MACROD2: variants seen among roughly 807,000 people sequenced by gnomAD.
MACROD2 encodes the protein ADP-ribose glycohydrolase MACROD2.
MACROD2 carries 36 observed loss-of-function variants against 70.4 expected under a neutral mutation model. That is an observed-to-expected ratio of 0.51 (90% CI 0.39 to 0.68). The LOEUF is 0.68. MACROD2 is among the 30% of genes least tolerant of loss of function. The pLI is 0.00. For synonymous variants in MACROD2, 172 were observed against 178.8 expected, an observed-to-expected ratio of 0.96 and a Z score of 0.30; for missense variants, 496 against 538.4, an observed-to-expected ratio of 0.92 and a Z score of 0.78.
chr20:15,811,550 C>A (rs1027056394), intron 8 of MACROD2, among the ~76,000 whole-genome samples: 4 of 152,104 alleles, frequency 2.6e-5, no homozygotes, highest in African/African-American at 7.2e-5. Flanking sequence ...CCCAAATTAT[C>A]TTTTACTTTA....
At chr20:15,875,470 T>C (rs2064654869) in intron 9 of MACROD2, among the ~76,000 whole-genome samples, 1 of 152,080 alleles carries the variant, frequency 6.6e-6, no homozygotes. Context: ...ACAAGCTCTC[T>C]ATAATGTAAC....
At chr20:15,715,309 G>A (rs1442436734) in intron 8 of MACROD2, among the ~76,000 whole-genome samples, 2 of 152,104 alleles carry the variant, frequency 1.3e-5, no homozygotes, top group African/African-American at 4.8e-5. Context: ...CAGCAAACGT[G>A]TATTTCCAAG....
intron 3 of MACROD2, among the ~76,000 whole-genome samples, chr20:14,408,011 TCAAA>T (rs1198832710): frequency 1.3e-5 from 2 of 152,138 alleles, no homozygotes; most frequent in Non-Finnish European, 1.5e-5. Context: ...CTGTATGGGT[TCAAA>T]TGCCACCTTT....
chr20:15,204,264 C>A (rs1320669969), intron 5 of MACROD2, among the ~76,000 whole-genome samples: 1 of 152,066 alleles, frequency 6.6e-6, no homozygotes, highest in Non-Finnish European at 1.5e-5. Flanking sequence ...ATTAAAATTC[C>A]ATTTCTCATG....
chr20:14,998,179 A>G (rs2122889141), intron 5 of MACROD2, among the ~76,000 whole-genome samples: 1 of 152,278 alleles, frequency 6.6e-6, no homozygotes, highest in South Asian at 2.1e-4. Flanking sequence ...TACAATAAAT[A>G]CCTAACTATT....
intron 5 of MACROD2, among the ~76,000 whole-genome samples, chr20:15,070,762 G>A (rs2075612844): frequency 1.3e-5 from 2 of 152,038 alleles, no homozygotes; most frequent in Non-Finnish European, 2.9e-5. Flanking sequence ...GCAGAACCAT[G>A]AGCCAAAGAA....
intron 8 of MACROD2, among the ~76,000 whole-genome samples, chr20:15,520,533 A>G (rs1387502797): frequency 7.5e-6 from 1 of 132,700 alleles, no homozygotes; most frequent in South Asian, 2.2e-4. Context: ...TGTCACCCCT[A>G]TGTTTTTAAA....
At chr20:14,289,999 AC>A (rs2082373122) in intron 3 of MACROD2, among the ~76,000 whole-genome samples, 1 of 16,048 alleles carries the variant, frequency 6.2e-5, no homozygotes, top group African/African-American at 1.8e-4. Context: ...TAGGAACTTA[AC>A]AGTTAAGTTA....
intron 12 of MACROD2, among the ~76,000 whole-genome samples, chr20:15,961,506 A>T (rs931079206): frequency 6.6e-6 from 1 of 152,198 alleles, no homozygotes; most frequent in Non-Finnish European, 1.5e-5. Context: ...TGAGCCCAGC[A>T]GTTGCTGCAT....
intron 8 of MACROD2, among the ~76,000 whole-genome samples, chr20:15,830,232 GT>G (rs1240167973): frequency 5.9e-5 from 9 of 152,146 alleles, no homozygotes; most frequent in African/African-American, 2.2e-4. Context: ...CAAATCAAGG[GT>G]AACCCAGTTG....
At chr20:15,100,767 G>T (rs2075866135) in intron 5 of MACROD2, among the ~76,000 whole-genome samples, 1 of 152,124 alleles carries the variant, frequency 6.6e-6, no homozygotes, top group Non-Finnish European at 1.5e-5. Context: ...AGCAAATGCT[G>T]ACTCATTAGC....
chr20:15,945,377 A>T (rs760085230), intron 12 of MACROD2, among the ~76,000 whole-genome samples: 5 of 152,196 alleles, frequency 3.3e-5, no homozygotes, highest in African/African-American at 4.8e-5. Context: ...TCACATGATA[A>T]TCCATAGTTT....
At chr20:14,801,839 G>A (rs1031461554) in intron 5 of MACROD2, among the ~76,000 whole-genome samples, 4 of 152,000 alleles carry the variant, frequency 2.6e-5, no homozygotes, top group Non-Finnish European at 1.5e-5. Context: ...GATTAACACC[G>A]AGCATCACTG....
At chr20:15,148,718 G>T (rs1454281355) in intron 5 of MACROD2, among the ~76,000 whole-genome samples, 1 of 152,062 alleles carries the variant, frequency 6.6e-6, no homozygotes, top group Non-Finnish European at 1.5e-5. Flanking sequence ...GCCGTACCCT[G>T]TAGCATTCTG....
chr20:14,965,443 A>ATT (rs1479327790), intron 5 of MACROD2, among the ~76,000 whole-genome samples: 6 of 83,142 alleles, frequency 7.2e-5, no homozygotes, highest in African/African-American at 8.5e-5. Flanking sequence ...GCTAAAAGTT[A>ATT]TTTTTTTTTC....
intron 13 of MACROD2, among the ~76,000 whole-genome samples, chr20:15,979,868 C>T (rs915284583): frequency 1.3e-5 from 2 of 152,086 alleles, no homozygotes; most frequent in Non-Finnish European, 2.9e-5. Flanking sequence ...AATGGTTGAG[C>T]TGTAGCAGGA....
intron 5 of MACROD2, among the ~76,000 whole-genome samples, chr20:14,916,260 C>CT (rs1406686862): frequency 2.0e-5 from 3 of 152,242 alleles, no homozygotes; most frequent in Non-Finnish European, 4.4e-5. Flanking sequence ...GCCATTAGAA[C>CT]TTTCCTTTTA....
chr20:14,669,107 T>G (rs2123555919), intron 4 of MACROD2, among the ~76,000 whole-genome samples: 1 of 152,266 alleles, frequency 6.6e-6, no homozygotes, highest in Middle Eastern at 3.4e-3. Context: ...TTAAAGCTCC[T>G]CTTAATAAAT....
rs191443621 is a variant in MACROD2 at position 14,680,849 on chromosome 20, C to T, written c.302-3994C>T. On this transcript the variant is annotated intron_variant, in intron 4 of 17. Transcript: ENST00000684519. ...GGAAATTTCAGGAGTCATAGGAAAACAGTAAGAAGAAGAACCAAATGGAAA... is the reference window on the plus strand; with the variant it reads ...GGAAATTTCAGGAGTCATAGGAAAATAGTAAGAAGAAGAACCAAATGGAAA... Among the ~76,000 whole-genome samples, 300 of 151,596 alleles carry T rather than the reference C, an allele frequency of 2.0e-3. 1 individual carries two copies. The highest frequency in any genetic ancestry group is 7.0e-3 in the African/African-American group (288 of 41,284).
Sources: gnomAD v4.1 joint callset for allele counts (sites outside exome capture counted in the v4.1 genomes callset) on GRCh38, gnomAD v4.1.1 for gene constraint, MANE v1.5 for transcripts, NCBI Gene and HGNC (gene_info 2026-07-23, HGNC 2026-07-21) for gene names.